The following SIPA1L1 variants were observed in gnomAD, a reference collection of about 807,000 sequenced individuals.
SIPA1L1 encodes the protein signal induced proliferation associated 1 like 1, also known as signal-induced proliferation-associated 1-like protein 1.
In SIPA1L1, 26 loss-of-function variants were observed where a neutral mutation model predicts 162.7. That is an observed-to-expected ratio of 0.16 (90% CI 0.12 to 0.22). The LOEUF is 0.22. SIPA1L1 is among the 10% of genes least tolerant of loss of function. The pLI, the probability that SIPA1L1 is intolerant of heterozygous loss-of-function variation, is 1.00. For missense variants in SIPA1L1, 1,874 were observed against 2,241.0 expected (o/e 0.84, Z 3.31); for synonymous variants, 829 against 837.4 (o/e 0.99, Z 0.17).
chr14:71,668,958 G>A (rs2044269073), intron 10 of SIPA1L1, among the ~76,000 whole-genome samples: 1 of 152,142 alleles, frequency 6.6e-6, no homozygotes. Context: ...TAAATATTCT[G>A]TTTAGCTTAA....
chr14:71,525,629 C>G (rs2052789576), intron 3 of SIPA1L1, among the ~76,000 whole-genome samples: 1 of 152,166 alleles, frequency 6.6e-6, no homozygotes, highest in African/African-American at 2.4e-5. Context: ...TGTATCATTG[C>G]CACGTTTGCT....
chr14:71,587,291 A>G (rs1232135690), intron 4 of SIPA1L1, among the ~76,000 whole-genome samples: 1 of 152,118 alleles, frequency 6.6e-6, no homozygotes, highest in Non-Finnish European at 1.5e-5. Context: ...GATATCCAGA[A>G]CAAGATGTAC....
chr14:71,405,463 CTTG>C (rs2041971039), intron 2 of SIPA1L1, among the ~76,000 whole-genome samples: 1 of 152,208 alleles, frequency 6.6e-6, no homozygotes, highest in Non-Finnish European at 1.5e-5. Context: ...CAGTTCTCCA[CTTG>C]TCTCTTGTGT....
intron 4 of SIPA1L1, among the ~76,000 whole-genome samples, chr14:71,581,757 GC>G (rs2033963163): frequency 6.6e-6 from 1 of 151,998 alleles, no homozygotes; most frequent in East Asian, 1.9e-4. Context: ...AACTCTCAAT[GC>G]CCCCAATAAG....
chr14:71,735,954 G>T (rs116333689), intron 22 of SIPA1L1, among the ~76,000 whole-genome samples: 2 of 152,210 alleles, frequency 1.3e-5, no homozygotes, highest in Admixed American at 1.3e-4. Flanking sequence ...CGACTTTTCT[G>T]TTTTCCCCTT....
chr14:71,646,199 C>T (rs1181967243), intron 7 of SIPA1L1, among the ~76,000 whole-genome samples: 16 of 142,244 alleles, frequency 1.1e-4, no homozygotes, highest in Non-Finnish European at 2.0e-4. Flanking sequence ...TTTTTTGAGA[C>T]GGAGTCTTGC....
intron 2 of SIPA1L1, among the ~76,000 whole-genome samples, chr14:71,486,069 G>C (rs556183178): frequency 1.2e-3 from 176 of 152,286 alleles, no homozygotes; most frequent in African/African-American, 4.0e-3. Flanking sequence ...CATTTATTTT[G>C]ATTTAAAAAG....
At chr14:71,409,030 C>T (rs765279765) in intron 2 of SIPA1L1, among the ~76,000 whole-genome samples, 17 of 152,296 alleles carry the variant, frequency 1.1e-4, no homozygotes, top group Non-Finnish European at 2.4e-4. Context: ...TTTGAAGCTA[C>T]TGTGTGTTCC....
At position 71,737,239 on chromosome 14, in the gene SIPA1L1, C is replaced by T. The variant is rs112114689; in HGVS notation, c.5124-1002C>T. ...AGCAGAAGACATCAACACAGTTCAT[C>T]TGAGGTCAGGAATTGTAACTTGAAT... On this transcript the variant is annotated intron_variant, in intron 22 of 23. Coordinates refer to ENST00000381232, the MANE Select transcript of SIPA1L1 (RefSeq NM_001386936.1). Among the ~76,000 whole-genome samples the T allele has an allele frequency of 7.4e-3, 1,128 of 152,294 alleles. 11 individuals are homozygous for T. The highest frequency in any genetic ancestry group is 0.021 in the African/African-American group (874 of 41,556).
chr14:71,392,735 G>T (rs1205394851), intron 2 of SIPA1L1, among the ~76,000 whole-genome samples: 3 of 151,984 alleles, frequency 2.0e-5, no homozygotes, highest in Non-Finnish European at 4.4e-5. Flanking sequence ...GGGTTTCACT[G>T]TGTTAGCCAG....
chr14:71,585,014 G>A (rs1596277649), intron 4 of SIPA1L1, among the ~76,000 whole-genome samples: 1 of 152,076 alleles, frequency 6.6e-6, no homozygotes, highest in South Asian at 2.1e-4. Flanking sequence ...GATACACATC[G>A]ATGGACAGCA....
At chr14:71,451,648 A>G (rs954214694) in intron 2 of SIPA1L1, among the ~76,000 whole-genome samples, 43 of 151,760 alleles carry the variant, frequency 2.8e-4, no homozygotes, top group South Asian at 1.2e-3. Flanking sequence ...AAAAAAAAAA[A>G]AAAAGAAAAA....
intron 2 of SIPA1L1, among the ~76,000 whole-genome samples, chr14:71,446,763 C>T (rs1055819646): frequency 1.3e-5 from 2 of 151,830 alleles, no homozygotes; most frequent in South Asian, 4.2e-4. Context: ...TGTTGCAGTC[C>T]CAAATTCTCC....
intron 2 of SIPA1L1, among the ~76,000 whole-genome samples, chr14:71,409,665 T>C (rs1433893764): frequency 6.6e-6 from 1 of 152,220 alleles, no homozygotes; most frequent in East Asian, 1.9e-4. Context: ...TTTCTGGTTT[T>C]TGATGGTCAT....
chr14:71,347,461 A>G (rs1022517125), intron 2 of SIPA1L1, among the ~76,000 whole-genome samples: 4 of 152,022 alleles, frequency 2.6e-5, no homozygotes, highest in African/African-American at 9.7e-5. Flanking sequence ...TTGCAGGTGT[A>G]AGTTTTAACG....
chr14:71,482,141 C>T (rs1034374120), intron 2 of SIPA1L1, among the ~76,000 whole-genome samples: 9 of 152,084 alleles, frequency 5.9e-5, no homozygotes, highest in Admixed American at 4.6e-4. Flanking sequence ...TAGGTTATGC[C>T]GTGTCATCCT....
At chr14:71,465,773 CA>C (rs1341386735) in intron 2 of SIPA1L1, among the ~76,000 whole-genome samples, 1 of 152,168 alleles carries the variant, frequency 6.6e-6, no homozygotes, top group African/African-American at 2.4e-5. Context: ...TACACGATCA[CA>C]AGTTTCCACA....
At chr14:71,384,083 T>C (rs1566956184) in intron 2 of SIPA1L1, among the ~76,000 whole-genome samples, 3 of 152,186 alleles carry the variant, frequency 2.0e-5, no homozygotes, top group African/African-American at 7.2e-5. Context: ...TTGTTTTTTT[T>C]CTCAGCCAGA....
intron 2 of SIPA1L1, among the ~76,000 whole-genome samples, chr14:71,449,351 T>C (rs1370026687): frequency 1.3e-5 from 2 of 152,208 alleles, no homozygotes; most frequent in African/African-American, 2.4e-5. Flanking sequence ...TGGGCTTTTG[T>C]TTTTTTCTCT....
Sources: allele counts gnomAD v4.1 joint callset (sites outside exome capture counted in the v4.1 genomes callset), GRCh38; gene constraint gnomAD v4.1.1; transcripts MANE v1.5; gene names NCBI Gene and HGNC (gene_info 2026-07-23, HGNC 2026-07-21).